The following INSR variants were observed in gnomAD, a reference collection of about 807,000 sequenced individuals.
The protein encoded by INSR is insulin receptor.
A neutral mutation model predicts 142.6 loss-of-function variants in INSR; 67 were observed. The observed-to-expected ratio is 0.47, with a 90% CI of 0.39 to 0.58. INSR has a LOEUF of 0.58. Among genes scored for constraint, INSR ranks in the 20% least tolerant of loss-of-function variants. The probability of loss-of-function intolerance (pLI) is 0.00; values close to 1 mark genes in which losing one functional copy is unlikely to be tolerated. For missense variants in INSR, 1,248 were observed against 1,833.2 expected (o/e 0.68, Z 5.83); for synonymous variants, 756 against 743.1 (o/e 1.02, Z -0.28).
intron 2 of INSR, among the ~76,000 whole-genome samples, chr19:7,243,329 T>C (rs191682230): frequency 2.7e-4 from 34 of 127,712 alleles, no homozygotes; most frequent in African/African-American, 9.9e-4. Flanking sequence ...CACTGCAACC[T>C]CCGCTTCCTG....
intron 2 of INSR, among the ~76,000 whole-genome samples, chr19:7,256,931 C>CTTTTTTTTT (rs772500676): frequency 4.6e-5 from 5 of 109,476 alleles, no homozygotes; most frequent in East Asian, 2.5e-4. Context: ...TCTACCCTAC[C>CTTTTTTTTT]TTTTTTTTTT....
intron 13 of INSR, among the ~76,000 whole-genome samples, chr19:7,133,125 G>A (rs902047641): frequency 6.6e-6 from 1 of 151,956 alleles, no homozygotes; most frequent in Non-Finnish European, 1.5e-5. Flanking sequence ...AGCCGGGCAC[G>A]ATGGTTCGCA....
chr19:7,290,313 G>A (rs1968456504), intron 1 of INSR, among the ~76,000 whole-genome samples: 1 of 152,154 alleles, frequency 6.6e-6, no homozygotes, highest in Admixed American at 6.5e-5. Flanking sequence ...GGCTAAAATA[G>A]GAGGATGGCT....
At chr19:7,252,601 C>T (rs1307230747) in intron 2 of INSR, among the ~76,000 whole-genome samples, 1 of 152,136 alleles carries the variant, frequency 6.6e-6, no homozygotes, top group Non-Finnish European at 1.5e-5. Context: ...CTTCGCACAC[C>T]GCGTGTGGAC....
Position 7,267,475 on chromosome 19 carries a change from C to T in INSR, c.522G>A (p.Leu174=), listed in dbSNP as rs2145209185. The part of the protein sequence containing the change: ...LDSVEDNYIV[L]NKDDNEECGD... The stretch of plus-strand genomic sequence containing the variant: ...CACACTCCTCGTTGTCATCTTTGTT[C>T]AACACGATGTAATTATCCTCCACGG... Residue 174 remains leucine, a synonymous_variant, in exon 2 of 22, where the codon TTG becomes TTA. Coordinates refer to ENST00000302850, the MANE Select transcript of INSR (RefSeq NM_000208.4). This position sits in a 1 kb window ranked among gnomAD's most constrained non-coding sequence, Gnocchi z 6.3. 6.2e-7 allele frequency: 1 copy of T among 1,614,082 alleles called. No individual in the cohort carries two copies. The highest frequency in any genetic ancestry group is 1.7e-5 in the Admixed American group (1 of 59,990).
chr19:7,234,178 G>A lies in INSR; in HGVS notation c.652+33167C>T, dbSNP rs999497914. On this transcript the variant is annotated intron_variant, in intron 2 of 21. Coordinates refer to ENST00000302850, the MANE Select transcript of INSR (RefSeq NM_000208.4). ...CCCACCTCAGGCTCCCAAAGGGCTG[G>A]GATTACAGGCATCAGTCACTGCATC... Among the ~76,000 whole-genome samples, 15 of 151,954 alleles carry A rather than the reference G, an allele frequency of 9.9e-5. No individual in the cohort carries two copies. The South Asian group carries it at 1.0e-3, about 11-fold the overall frequency.
intron 1 of INSR, among the ~76,000 whole-genome samples, chr19:7,272,845 G>A (rs1026898898): frequency 1.3e-5 from 2 of 152,112 alleles, no homozygotes; most frequent in African/African-American, 2.4e-5. Context: ...GCCTCCCAAA[G>A]TGCTGGGATT....
chr19:7,142,585 C>T (rs1237532337), intron 12 of INSR, among the ~76,000 whole-genome samples: 1 of 151,706 alleles, frequency 6.6e-6, no homozygotes, highest in East Asian at 1.9e-4. Context: ...GTCCCAGCTA[C>T]TTGGGAGGCT....
intron 1 of INSR, among the ~76,000 whole-genome samples, chr19:7,292,344 CCT>C (rs1291852395): frequency 6.6e-6 from 1 of 152,094 alleles, no homozygotes; most frequent in East Asian, 1.9e-4. Context: ...CCCGCCTCAG[CCT>C]CCCAAAATGC....
rs79750603 is a variant in INSR at position 7,120,637 on chromosome 19, G to A, written c.3642C>T (p.Thr1214=). 2.5e-6 allele frequency: 4 copies of A among 1,613,990 alleles called. No individual in the cohort carries two copies. Among genetic ancestry groups the A allele is most frequent in the Admixed American group, 3.3e-5 (2 of 60,000 alleles). Residue 1214 remains threonine (T), a synonymous_variant, in exon 20 of 22, where the codon ACC becomes ACT. Coordinates refer to ENST00000302850, the MANE Select transcript of INSR (RefSeq NM_000208.4). ...CAACTCACCACATGTCAGAAGAAGT[G>A]GTGAAGACCCCATCCTTCAGGGACT... ...APESLKDGVF[T]TSSDMWSFGV...
intron 1 of INSR, 39 bp downstream of exon 1, chr19:7,293,753 C>T (rs1018105418): frequency 3.7e-5 from 48 of 1,306,400 alleles, no homozygotes; most frequent in Non-Finnish European, 4.6e-5. Context: ...CTCTCCCCAT[C>T]GCGGCGCTCC....
At chr19:7,245,698 G>A (rs746239259) in intron 2 of INSR, among the ~76,000 whole-genome samples, 13 of 151,864 alleles carry the variant, frequency 8.6e-5, no homozygotes, top group African/African-American at 2.4e-4. Flanking sequence ...CAGCCACCTC[G>A]GCCTCCCAAA....
chr19:7,208,999 TA>T (rs202099196), intron 2 of INSR, among the ~76,000 whole-genome samples: 27 of 145,282 alleles, frequency 1.9e-4, no homozygotes, highest in South Asian at 2.2e-4. Flanking sequence ...AAGACTCCAT[TA>T]AAAAAAAAAA....
In INSR at chr19:7,166,475, C is replaced by G; in HGVS notation, c.1611-71G>C. The G allele has an allele frequency of 1.9e-6, 3 of 1,557,870 alleles. No individual in the cohort carries two copies. The highest frequency in any genetic ancestry group is 2.6e-6 in the Non-Finnish European group (3 of 1,143,280). On this transcript the variant is annotated intron_variant, in intron 7 of 21. Coordinates refer to ENST00000302850, the MANE Select transcript of INSR (RefSeq NM_000208.4). The surrounding 1 kb of genome is among the most constrained non-coding windows in gnomAD (Gnocchi z 4.1). ...CACACTGAGTGCCGTGCAGATGAGG[C>G]CTGGGAAGTTACATCCCATAGGGTC...
chr19:7,257,304 T>C (rs955588299), intron 2 of INSR, among the ~76,000 whole-genome samples: 1 of 152,124 alleles, frequency 6.6e-6, no homozygotes, highest in East Asian at 1.9e-4. Context: ...CACTTTCCTG[T>C]CTTCTGTATG....
chr19:7,119,851 CACGCACACACAT>C lies in INSR; in HGVS notation c.3660-280_3660-269del, dbSNP rs1441733581. 2.6e-5 allele frequency among the ~76,000 whole-genome samples: 3 copies of C among 117,076 alleles called. No homozygotes were observed. In the Admixed American group the frequency reaches 2.9e-4, roughly 11 times the overall value. 76.8% of individuals were successfully genotyped at this position (117,076 alleles called of 152,430 possible). On this transcript the variant is annotated intron_variant, in intron 20 of 21. Coordinates refer to ENST00000302850, the MANE Select transcript of INSR (RefSeq NM_000208.4). This position sits in a 1 kb window ranked among gnomAD's most constrained non-coding sequence, Gnocchi z 5.2. Reference sequence around the variant, plus strand: ...ACAAACACACACACCCAAACACACACACGCACACACATGCAAACACACACAAACACACATATG... The same window carrying C: ...ACAAACACACACACCCAAACACACACGCAAACACACACAAACACACATATG...
At chr19:7,226,408 CAAGGGAAAAAA>C (rs1975783351) in intron 2 of INSR, among the ~76,000 whole-genome samples, 2 of 68,976 alleles carry the variant, frequency 2.9e-5, no homozygotes, top group South Asian at 1.7e-3. Context: ...GACTCCGTCT[CAAGGGAAAAAA>C]AAAAAAAAAA....
chr19:7,228,419 A>G (rs902604075), intron 2 of INSR, among the ~76,000 whole-genome samples: 2 of 152,236 alleles, frequency 1.3e-5, no homozygotes, highest in Non-Finnish European at 2.9e-5. Flanking sequence ...GTGAGGCTAA[A>G]GACAGGAAGG....
intron 2 of INSR, among the ~76,000 whole-genome samples, chr19:7,237,311 G>A (rs1184074478): frequency 6.6e-6 from 1 of 151,978 alleles, no homozygotes; most frequent in Non-Finnish European, 1.5e-5. Context: ...GAGGTCAGGA[G>A]TTCCAGACCA....
Sources: allele counts gnomAD v4.1 joint callset (sites outside exome capture counted in the v4.1 genomes callset), GRCh38; gene constraint gnomAD v4.1.1; non-coding constraint Gnocchi (gnomAD v3.1); transcripts MANE v1.5; gene names NCBI Gene and HGNC (gene_info 2026-07-23, HGNC 2026-07-21).